CELF4: variants seen among roughly 807,000 people sequenced by gnomAD.
CELF4 encodes CUG-BP- and ETR-3-like factor 4.
Under a neutral mutation model 59.9 loss-of-function variants are expected in CELF4, and 18 were observed. The observed-to-expected ratio is 0.30, with a 90% CI of 0.21 to 0.45. The LOEUF is 0.45. CELF4 is among the 20% of genes least tolerant of loss of function. CELF4 has a pLI of 1.00. For synonymous variants in CELF4, 261 were observed against 267.1 expected, an observed-to-expected ratio of 0.98 and a Z score of 0.22; for missense variants, 456 against 689.0, an observed-to-expected ratio of 0.66 and a Z score of 3.79.
intron 3 of CELF4, among the ~76,000 whole-genome samples, chr18:37,304,630 C>G (rs890268017): frequency 6.6e-6 from 1 of 152,242 alleles, no homozygotes; most frequent in Non-Finnish European, 1.5e-5. Context: ...GAGGCAGGTT[C>G]ATTTTTAGGC....
chr18:37,560,328 A>G (rs1405839356), intron 1 of CELF4, among the ~76,000 whole-genome samples: 1 of 152,274 alleles, frequency 6.6e-6, no homozygotes, highest in Non-Finnish European at 1.5e-5. Flanking sequence ...GAAATTATGC[A>G]TAAGCAGCAA....
intron 8 of CELF4, among the ~76,000 whole-genome samples, chr18:37,268,188 G>C (rs965282578): frequency 6.6e-6 from 1 of 152,156 alleles, no homozygotes; most frequent in East Asian, 1.9e-4. Context: ...CTGCTCAGAT[G>C]GGGGGAGCTG....
chr18:37,437,131 A>T (rs1454821664), intron 2 of CELF4, among the ~76,000 whole-genome samples: 1 of 152,136 alleles, frequency 6.6e-6, no homozygotes, highest in Admixed American at 6.5e-5. Context: ...AGTGGGTGGC[A>T]GGTGGCTACA....
chr18:37,377,765 G>A (rs1440718508), intron 2 of CELF4, among the ~76,000 whole-genome samples: 1 of 152,142 alleles, frequency 6.6e-6, no homozygotes, highest in African/African-American at 2.4e-5. Flanking sequence ...AGTGTGCTTG[G>A]TTCCCCTTGG....
chr18:37,290,598 A>G (rs1296906339), intron 3 of CELF4, among the ~76,000 whole-genome samples: 1 of 152,152 alleles, frequency 6.6e-6, no homozygotes, highest in East Asian at 1.9e-4. Flanking sequence ...TCTCACCCAC[A>G]AGAGCGCACA....
At position 37,364,938 on chromosome 18, in the gene CELF4, C is replaced by T. The variant is rs549587778; in HGVS notation, c.370-43057G>A. ...CGGGTGCTAGAGGAGGTAGGAGAGA[C>T]GGAAGGTCAGCAGGGACCAGGGCAG... On this transcript the variant is annotated intron_variant, in intron 2 of 12. Transcript: ENST00000420428. Among the ~76,000 whole-genome samples the T allele has an allele frequency of 5.9e-5, 9 of 152,088 alleles. No homozygotes were observed. The South Asian group carries it at 1.7e-3, about 28-fold the overall frequency.
intron 3 of CELF4, among the ~76,000 whole-genome samples, chr18:37,302,169 CA>C (rs1569549544): frequency 6.6e-6 from 1 of 152,194 alleles, no homozygotes; most frequent in Non-Finnish European, 1.5e-5. Context: ...CCAGAATGCC[CA>C]CCGGCCACCC....
intron 3 of CELF4, among the ~76,000 whole-genome samples, chr18:37,321,258 A>T (rs1408300227): frequency 6.6e-6 from 1 of 152,100 alleles, no homozygotes; most frequent in Non-Finnish European, 1.5e-5. Flanking sequence ...ACATTCTAGG[A>T]CAAGCGTCTG....
intron 1 of CELF4, among the ~76,000 whole-genome samples, chr18:37,531,324 G>A (rs114775151): frequency 0.016 from 2,402 of 152,266 alleles, 69 homozygotes; most frequent in African/African-American, 0.054. Context: ...TCCCTTGAGG[G>A]TGTGGACAGT....
chr18:37,492,482 A>G (rs1384631231), intron 1 of CELF4, among the ~76,000 whole-genome samples: 1 of 152,084 alleles, frequency 6.6e-6, no homozygotes, highest in African/African-American at 2.4e-5. Flanking sequence ...CCCTGGGAAG[A>G]GGGTTACTGA....
intron 2 of CELF4, among the ~76,000 whole-genome samples, chr18:37,414,804 A>C (rs1408755126): frequency 6.6e-6 from 1 of 151,542 alleles, no homozygotes; most frequent in Non-Finnish European, 1.5e-5. Flanking sequence ...GCCCTAATTC[A>C]TCCATCCATC....
intron 1 of CELF4, among the ~76,000 whole-genome samples, chr18:37,531,003 T>G (rs1257524438): frequency 2.0e-4 from 27 of 131,770 alleles, no homozygotes; most frequent in South Asian, 4.9e-4. Context: ...GAGGGAGGGG[T>G]GGGGTAAGCA....
chr18:37,557,515 AAT>A (rs1283824731), intron 1 of CELF4, among the ~76,000 whole-genome samples: 1 of 152,240 alleles, frequency 6.6e-6, no homozygotes, highest in African/African-American at 2.4e-5. Context: ...CCAGCTGTGG[AAT>A]AGTCTAATAC....
chr18:37,264,113 A>G (rs1171965338), intron 10 of CELF4, among the ~76,000 whole-genome samples: 1 of 152,168 alleles, frequency 6.6e-6, no homozygotes, highest in East Asian at 1.9e-4. Context: ...TCTCCCAGCT[A>G]TTCTCCCTGG....
At chr18:37,385,769 C>T (rs1450651074) in intron 2 of CELF4, among the ~76,000 whole-genome samples, 3 of 152,242 alleles carry the variant, frequency 2.0e-5, no homozygotes, top group Non-Finnish European at 4.4e-5. Flanking sequence ...GTTTTCCCAT[C>T]TACATGGGAG....
intron 2 of CELF4, among the ~76,000 whole-genome samples, chr18:37,483,354 C>A (rs2099874010): frequency 6.6e-6 from 1 of 152,180 alleles, no homozygotes; most frequent in South Asian, 2.1e-4. Context: ...GTCTTTTATT[C>A]CTGCCCCTCC....
chr18:37,269,071 G>A (rs112655602), intron 8 of CELF4, among the ~76,000 whole-genome samples: 1 of 152,240 alleles, frequency 6.6e-6, no homozygotes, highest in Non-Finnish European at 1.5e-5. Context: ...TGGGCAGGAA[G>A]GGGTGGGAAA....
intron 1 of CELF4, among the ~76,000 whole-genome samples, chr18:37,540,641 GC>G (rs1173298984): frequency 1.3e-5 from 2 of 152,168 alleles, no homozygotes; most frequent in Non-Finnish European, 2.9e-5. Context: ...TGTGAATCTG[GC>G]TGACTCACCC....
At position 37,243,925 on chromosome 18, in the gene CELF4, G is replaced by A. The variant is rs1249347837; in HGVS notation, c.*1317C>T. The A allele has an allele frequency of 2.2e-5, 4 of 184,710 alleles. No homozygotes were observed. The East Asian group carries it at 3.8e-4, about 17-fold the overall frequency. The allele number at this position is 184,710 out of a possible 1,614,324, so 11.4% of individuals were successfully genotyped here. ...CGAGGATGACGGCGGCGGCGGCGGC[G>A]GCGACCCGGGCGACGCGACCGTTCC... On this transcript the variant is annotated 3_prime_UTR_variant, in exon 13 of 13. Transcript: ENST00000420428.
Sources: gnomAD v4.1 joint callset for allele counts (sites outside exome capture counted in the v4.1 genomes callset) on GRCh38, gnomAD v4.1.1 for gene constraint, MANE v1.5 for transcripts, NCBI Gene and HGNC (gene_info 2026-07-23, HGNC 2026-07-21) for gene names.